Variants in PIAS4 observed in about 807,000 individuals in gnomAD.
The protein encoded by PIAS4 is protein inhibitor of activated STAT 4, also known as E3 SUMO-protein ligase PIAS4.
A neutral mutation model predicts 58.0 loss-of-function variants in PIAS4; 7 were observed. The ratio of observed to expected loss-of-function variants is 0.12; its 90% confidence interval spans 0.07 to 0.23. PIAS4 has a LOEUF of 0.23. Among genes scored for constraint, PIAS4 ranks in the 10% least tolerant of loss-of-function variants. PIAS4 has a pLI of 1.00. For synonymous variants in PIAS4, 364 were observed against 312.4 expected (o/e 1.17, Z -1.74); for missense variants, 550 against 709.5 (o/e 0.78, Z 2.55).
At position 4,038,714 on chromosome 19, in the gene PIAS4, C is replaced by CA. The variant is rs1868413566; in HGVS notation, c.*840dup. 6.5e-6 allele frequency: 1 copy of CA among 154,244 alleles called. No homozygotes were observed. The highest frequency in any genetic ancestry group is 1.7e-4 in the South Asian group (1 of 5,734). 9.6% of individuals were successfully genotyped at this position (154,244 alleles called of 1,614,324 possible). A position where few individuals can be genotyped will look rare whatever the true frequency, so the allele number is the denominator to read the frequency against. On this transcript the variant is annotated 3_prime_UTR_variant, in exon 11 of 11. Coordinates refer to ENST00000262971, the MANE Select transcript of PIAS4 (RefSeq NM_015897.4). The surrounding 1 kb of genome is among the most constrained non-coding windows in gnomAD (Gnocchi z 4.1). ...CAGCACAGATGTCCACAGATGTCCA[C>CA]AGCTGCCGCCGCCGCCGCCGCCACC...
At chr19:4,036,637 A>G (rs2040293644) in intron 9 of PIAS4, among the ~76,000 whole-genome samples, 5 of 137,508 alleles carry the variant, frequency 3.6e-5, no homozygotes, top group African/African-American at 1.7e-4. Flanking sequence ...ACATCTATAC[A>G]GTCCACACTG....
chr19:4,019,221 A>C (rs557271853), intron 2 of PIAS4, among the ~76,000 whole-genome samples: 1 of 152,294 alleles, frequency 6.6e-6, no homozygotes, highest in African/African-American at 2.4e-5. Context: ...GGGAGACCCC[A>C]CAGCCCCTTC....
chr19:4,020,107 G>A (rs1244098005), intron 2 of PIAS4, among the ~76,000 whole-genome samples: 2 of 151,996 alleles, frequency 1.3e-5, no homozygotes, highest in African/African-American at 4.8e-5. Context: ...TAGTAGAGAC[G>A]GGGTTTCACC....
chr19:4,022,227 C>A (rs140572934), intron 2 of PIAS4, among the ~76,000 whole-genome samples: 1 of 152,192 alleles, frequency 6.6e-6, no homozygotes, highest in Non-Finnish European at 1.5e-5. Context: ...TTTTATTCCC[C>A]TATTGAACCG....
At position 4,031,404 on chromosome 19, in the gene PIAS4, C is replaced by T. The variant is rs771392138; in HGVS notation, c.908-1696C>T. ...ATCCTTGGCCAGCCTCCTCCAGGCT[C>T]GGGGATGGAGGGCCTGGCTATGTAC... On this transcript the variant is annotated intron_variant, in intron 7 of 10. Coordinates refer to ENST00000262971, the MANE Select transcript of PIAS4 (RefSeq NM_015897.4). 4.1e-4 allele frequency among the ~76,000 whole-genome samples: 63 copies of T among 152,294 alleles called. 1 individual carries two copies. The South Asian group carries it at 4.8e-3, about 12-fold the overall frequency.
At position 4,013,288 on chromosome 19, in the gene PIAS4, C is replaced by G; in HGVS notation, c.393C>G (p.Val131=). ...RLPAKTLKPE[V]RLVKLPFFNM... ...CCGCCAAGACCCTCAAGCCAGAAGT[C>G]CGCCTGGTGAAGCTGCCGTTCTTTA... The change falls in exon 2 of 11, where the codon GTC becomes GTG. Residue 131 remains valine, a synonymous_variant. Coordinates refer to ENST00000262971, the MANE Select transcript of PIAS4 (RefSeq NM_015897.4). The surrounding 1 kb of genome is among the most constrained non-coding windows in gnomAD (Gnocchi z 5.1). 6.2e-7 allele frequency: 1 copy of G among 1,613,244 alleles called. No individual in the cohort carries two copies. The highest frequency in any genetic ancestry group is 8.5e-7 in the Non-Finnish European group (1 of 1,179,996).
At chr19:4,009,498 C>T (rs1475735929) in intron 1 of PIAS4, among the ~76,000 whole-genome samples, 9 of 152,096 alleles carry the variant, frequency 5.9e-5, no homozygotes, top group Non-Finnish European at 1.0e-4. Context: ...AGGGTCTGCA[C>T]TCTTTTGTAC....
intron 7 of PIAS4, among the ~76,000 whole-genome samples, chr19:4,031,301 A>C (rs1264340016): frequency 6.6e-6 from 1 of 152,124 alleles, no homozygotes; most frequent in Non-Finnish European, 1.5e-5. Flanking sequence ...CAGCCCCCCA[A>C]GTCAGGAAAG....
chr19:4,022,296 T>G (rs999848622), intron 2 of PIAS4, among the ~76,000 whole-genome samples: 53 of 152,210 alleles, frequency 3.5e-4, no homozygotes, highest in African/African-American at 1.2e-3. Context: ...GTTTGTGTTC[T>G]CACTGTCTTT....
At chr19:4,036,707 TAC>T (rs1236203933) in intron 9 of PIAS4, among the ~76,000 whole-genome samples, 11 of 127,588 alleles carry the variant, frequency 8.6e-5, no homozygotes, top group South Asian at 4.6e-4. Flanking sequence ...CACACCATCA[TAC>T]ACACACACAT....
intron 9 of PIAS4, among the ~76,000 whole-genome samples, chr19:4,036,567 A>G (rs1294933104): frequency 6.8e-6 from 1 of 146,308 alleles, no homozygotes; most frequent in Non-Finnish European, 1.5e-5. Context: ...CCACACCGTC[A>G]CACATCCATA....
intron 9 of PIAS4, among the ~76,000 whole-genome samples, chr19:4,036,918 A>G (rs1429766672): frequency 2.0e-5 from 3 of 151,264 alleles, no homozygotes; most frequent in African/African-American, 4.9e-5. Flanking sequence ...ACACGTGTGT[A>G]CACATGCTCA....
intron 2 of PIAS4, among the ~76,000 whole-genome samples, chr19:4,023,198 G>T (rs1288063841): frequency 2.0e-5 from 3 of 149,220 alleles, no homozygotes; most frequent in Non-Finnish European, 4.4e-5. Context: ...AATGGGGCTG[G>T]CTGGGCACAG....
Position 4,037,865 on chromosome 19 carries a change from C to A in PIAS4, c.1523C>A (p.Pro508Gln), listed in dbSNP as rs757524630. 2.6e-6 allele frequency: 4 copies of A among 1,565,978 alleles called. No homozygotes were observed. Among genetic ancestry groups the A allele is most frequent in the Non-Finnish European group, 1.7e-6 (2 of 1,159,524 alleles). ...RRCPFQKGLV[P>Q]AC The stretch of plus-strand genomic sequence containing the variant: ...TGCCCCTTCCAGAAGGGCCTGGTGC[C>A]GGCCTGCTGACCCCGGCCGCACACT... Residue 508 changes from proline (P) to glutamine (Q), a missense_variant, in exon 11 of 11, where the codon CCG becomes CAG. Physicochemically the swap from Pro to Gln is moderately conservative, Grantham distance 76. Around this residue, in one of 4 missense-constraint regions of PIAS4, gnomAD observed 188 missense variants for 192.0 expected, o/e 0.98. Coordinates refer to ENST00000262971, the MANE Select transcript of PIAS4 (RefSeq NM_015897.4). This position sits in a 1 kb window ranked among gnomAD's most constrained non-coding sequence, Gnocchi z 5.8.
intron 1 of PIAS4, 124 bp from the exon 2 acceptor site, chr19:4,012,799 C>T: frequency 9.0e-7 from 1 of 1,114,312 alleles, no homozygotes; most frequent in Non-Finnish European, 1.3e-6. Flanking sequence ...CCAGCCCCAG[C>T]CAAGGCTGGC....
intron 2 of PIAS4, among the ~76,000 whole-genome samples, chr19:4,016,631 TAGCAGTCAGGAAGGCCTCCTGGAGGC>T (rs2040055761): frequency 6.6e-6 from 1 of 152,032 alleles, no homozygotes; most frequent in Non-Finnish European, 1.5e-5. Context: ...TGTGAGGAGG[TAGCAGTCAGGAAGGCCTCCTGGAGGC>T]AGCAGCGTTT....
Position 4,038,953 on chromosome 19 carries a change from C to G in PIAS4, c.*1078C>G, listed in dbSNP as rs1343071520. 6.6e-6 allele frequency: 1 copy of G among 152,508 alleles called. No homozygotes were observed. The highest frequency in any genetic ancestry group is 2.4e-5 in the African/African-American group (1 of 41,468). 9.4% of individuals were successfully genotyped at this position (152,508 alleles called of 1,614,324 possible). Reference sequence around the variant, plus strand: ...CCTTCCTGTCCCCAGGCGTTCCCGGCCCCTCGCAGGCCCCACCCATGCCCT... The same window carrying G: ...CCTTCCTGTCCCCAGGCGTTCCCGGGCCCTCGCAGGCCCCACCCATGCCCT... On this transcript the variant is annotated 3_prime_UTR_variant, in exon 11 of 11. Coordinates refer to ENST00000262971, the MANE Select transcript of PIAS4 (RefSeq NM_015897.4). This position sits in a 1 kb window ranked among gnomAD's most constrained non-coding sequence, Gnocchi z 4.1.
intron 9 of PIAS4, among the ~76,000 whole-genome samples, chr19:4,034,661 G>T (rs2040257626): frequency 6.6e-6 from 1 of 152,254 alleles, no homozygotes; most frequent in Non-Finnish European, 1.5e-5. Context: ...GTGCAGCCGG[G>T]TGCCCGCCTT....
intron 7 of PIAS4, 104 bp downstream of exon 7, chr19:4,029,140 A>G (rs1250218646): frequency 3.8e-6 from 3 of 784,046 alleles, no homozygotes; most frequent in East Asian, 2.7e-5. Flanking sequence ...GAGATCGATC[A>G]GGGGCCGCCT....
Sources: gnomAD v4.1 joint callset for allele counts (sites outside exome capture counted in the v4.1 genomes callset) on GRCh38, gnomAD v4.1.1 for gene constraint, gnomAD v4.1.1 regional missense constraint, Gnocchi (gnomAD v3.1) non-coding constraint, MANE v1.5 for transcripts, NCBI Gene and HGNC (gene_info 2026-07-23, HGNC 2026-07-21) for gene names.